Variants in LARGE1 observed in about 807,000 individuals in gnomAD.
LARGE1 encodes xylosyl- and glucuronyltransferase LARGE1.
Under a neutral mutation model 87.6 loss-of-function variants are expected in LARGE1, and 43 were observed. That is an observed-to-expected ratio of 0.49 (90% CI 0.38 to 0.63). The LOEUF (loss-of-function observed/expected upper bound fraction) is 0.63, where lower values mean the gene tolerates loss of function less well. Among genes scored for constraint, LARGE1 ranks in the 30% least tolerant of loss-of-function variants. The pLI, the probability that LARGE1 is intolerant of heterozygous loss-of-function variation, is 0.00. For synonymous variants in LARGE1, 434 were observed against 394.6 expected (o/e 1.10, Z -1.18); for missense variants, 802 against 1,000.2 (o/e 0.80, Z 2.67).
chr22:33,305,426 A>G (rs996772400), intron 11 of LARGE1: 30 of 190,440 alleles, frequency 1.6e-4, no homozygotes, highest in Non-Finnish European at 2.3e-4. Flanking sequence ...AGACGTCTGA[A>G]GATAAATCTA....
At chr22:33,607,657 A>G (rs1311239697) in intron 4 of LARGE1, among the ~76,000 whole-genome samples, 1 of 152,012 alleles carries the variant, frequency 6.6e-6, no homozygotes, top group Non-Finnish European at 1.5e-5. Flanking sequence ...TTGGAGGAGG[A>G]CAGTGAGTCT....
chr22:33,707,176 A>T (rs1453774421), intron 2 of LARGE1, among the ~76,000 whole-genome samples: 3 of 152,206 alleles, frequency 2.0e-5, no homozygotes, highest in Non-Finnish European at 2.9e-5. Context: ...GAATGGGGAA[A>T]ACATGCTGGC....
At chr22:33,663,807 A>G (rs1364590200) in intron 2 of LARGE1, among the ~76,000 whole-genome samples, 1 of 152,200 alleles carries the variant, frequency 6.6e-6, no homozygotes, top group Non-Finnish European at 1.5e-5. Context: ...TACATATACA[A>G]GCCCTGTGCC....
chr22:33,886,797 C>G (rs867273061), intron 1 of LARGE1, among the ~76,000 whole-genome samples: 5 of 151,762 alleles, frequency 3.3e-5, no homozygotes, highest in Admixed American at 6.6e-5. Flanking sequence ...TTACTGAGCA[C>G]CAAGTACCAG....
intron 1 of LARGE1, among the ~76,000 whole-genome samples, chr22:33,805,715 C>A (rs1229109402): frequency 1.3e-5 from 2 of 151,468 alleles, no homozygotes; most frequent in Non-Finnish European, 2.9e-5. Context: ...GCCTGGGCGA[C>A]AGAGCAAGAC....
At chr22:33,604,639 G>T in intron 4 of LARGE1, 81 bp from the exon 5 acceptor site, 2 of 1,563,582 alleles carry the variant, frequency 1.3e-6, no homozygotes, top group Admixed American at 3.3e-5. Flanking sequence ...ACTCTTCACA[G>T]TTCCTACGGT....
chr22:33,759,658 A>G (rs960810264), intron 2 of LARGE1, among the ~76,000 whole-genome samples: 10 of 152,108 alleles, frequency 6.6e-5, no homozygotes, highest in African/African-American at 2.2e-4. Flanking sequence ...TTGTTATACC[A>G]TTATTATTAT....
At position 33,890,385 on chromosome 22, in the gene LARGE1, T is replaced by C. The variant is rs9621798; in HGVS notation, c.-83+29610A>G. On this transcript the variant is annotated intron_variant, in intron 1 of 14. Transcript: ENST00000397394. ...AGTGCTTGGCACAGTAGTTGGTGCT[T>C]AAAAAAAAAATGAGCTTTTCTTCAT... Among the ~76,000 whole-genome samples the C allele has an allele frequency of 5.4e-3, 808 of 149,732 alleles. 11 individuals are homozygous for C. Among genetic ancestry groups the C allele is most frequent in the African/African-American group, 0.019 (780 of 40,896 alleles).
chr22:33,128,511 T>C, the LARGE1 span, among the ~76,000 whole-genome samples: 56,131 of 151,106 alleles, frequency 0.37, 10,531 homozygotes, highest in South Asian at 0.46. Context: ...CACGTCTCTA[T>C]TAAAAATACA....
intron 6 of LARGE1, among the ~76,000 whole-genome samples, chr22:33,556,506 AGAAG>A (rs2077680219): frequency 8.2e-6 from 1 of 122,104 alleles, no homozygotes; most frequent in South Asian, 2.9e-4. Context: ...AGGCAAGGAA[AGAAG>A]GAAGGAAGGG....
chr22:33,479,869 C>T (rs1486117992), intron 6 of LARGE1, among the ~76,000 whole-genome samples: 4 of 151,536 alleles, frequency 2.6e-5, no homozygotes, highest in African/African-American at 4.9e-5. Flanking sequence ...CTCAGTCTCT[C>T]GAGTATCTGG....
chr22:33,752,557 CAATACATCTA>C lies in LARGE1; in HGVS notation c.106+8804_106+8813del, dbSNP rs1270315934. Among the ~76,000 whole-genome samples the C allele has an allele frequency of 2.0e-5, 3 of 152,028 alleles. No homozygotes were observed. The East Asian group carries it at 5.8e-4, about 29-fold the overall frequency. Reference sequence around the variant, plus strand: ...CTTAAATCATTCAGACAATTCAGACCAATACATCTAAATACAGTGCCTTTCTCATGAGCTG... The same window carrying C: ...CTTAAATCATTCAGACAATTCAGACCAATACAGTGCCTTTCTCATGAGCTG... On this transcript the variant is annotated intron_variant, in intron 2 of 14. Coordinates refer to ENST00000397394, the MANE Select transcript of LARGE1 (RefSeq NM_133642.5).
chr22:33,246,957 A>G (rs527254947), intron 11 of LARGE1, among the ~76,000 whole-genome samples: 1 of 152,314 alleles, frequency 6.6e-6, no homozygotes, highest in Admixed American at 6.5e-5. Context: ...TTCACAGAGA[A>G]TAATCAGTAG....
At chr22:33,231,826 T>G (rs1463066800) in intron 11 of LARGE1, among the ~76,000 whole-genome samples, 1 of 152,236 alleles carries the variant, frequency 6.6e-6, no homozygotes, top group Non-Finnish European at 1.5e-5. Flanking sequence ...ACAACTACTA[T>G]TAGTACTTAT....
At chr22:33,588,437 T>C (rs143464977) in intron 5 of LARGE1, among the ~76,000 whole-genome samples, 34 of 152,292 alleles carry the variant, frequency 2.2e-4, no homozygotes, top group Non-Finnish European at 3.5e-4. Context: ...TCAGGTAACA[T>C]AGTGAACTAG....
intron 6 of LARGE1, among the ~76,000 whole-genome samples, chr22:33,469,614 C>T (rs1355663905): frequency 1.3e-5 from 2 of 152,012 alleles, no homozygotes; most frequent in Non-Finnish European, 2.9e-5. Flanking sequence ...CACTTGAGGT[C>T]AGGAGTTCGA....
chr22:33,428,045 G>A (rs553952362), intron 7 of LARGE1, among the ~76,000 whole-genome samples: 153 of 152,318 alleles, frequency 1.0e-3, no homozygotes, highest in Admixed American at 1.6e-3. Flanking sequence ...AGGAAAAACT[G>A]CTAGGTAGCT....
chr22:33,825,633 C>A (rs184797796), intron 1 of LARGE1, among the ~76,000 whole-genome samples: 3 of 152,310 alleles, frequency 2.0e-5, no homozygotes, highest in African/African-American at 7.2e-5. Context: ...CAACAGCATA[C>A]GGGTAACTGC....
At chr22:33,722,101 A>C (rs2083116735) in intron 2 of LARGE1, among the ~76,000 whole-genome samples, 1 of 152,066 alleles carries the variant, frequency 6.6e-6, no homozygotes, top group South Asian at 2.1e-4. Flanking sequence ...AAAATACAAA[A>C]AATTAGCCGG....
Sources: allele counts gnomAD v4.1 joint callset (sites outside exome capture counted in the v4.1 genomes callset), GRCh38; gene constraint gnomAD v4.1.1; transcripts MANE v1.5; gene names NCBI Gene and HGNC (gene_info 2026-07-23, HGNC 2026-07-21).